PCDHA6: variants seen among roughly 807,000 people sequenced by gnomAD.
PCDHA6 encodes the protein protocadherin alpha-6.
In PCDHA6, 55 loss-of-function variants were observed where a neutral mutation model predicts 60.3. The observed-to-expected ratio is 0.91, with a 90% CI of 0.73 to 1.14. PCDHA6 has a LOEUF of 1.14. PCDHA6 is among the 50% of genes most tolerant of loss of function. PCDHA6 has a pLI of 0.00. For missense variants in PCDHA6, 1,327 were observed against 1,256.5 expected, an observed-to-expected ratio of 1.06 and a Z score of -0.85; for synonymous variants, 652 against 557.9, an observed-to-expected ratio of 1.17 and a Z score of -2.38.
At chr5:140,933,253 A>G (rs958671776) in intron 1 of PCDHA6, among the ~76,000 whole-genome samples, 2 of 152,008 alleles carry the variant, frequency 1.3e-5, no homozygotes, top group Non-Finnish European at 2.9e-5. Context: ...TATAAACACA[A>G]AAGGTTATTA....
intron 1 of PCDHA6, chr5:140,860,578 G>T (rs1420299092): frequency 1.3e-5 from 2 of 152,134 alleles, no homozygotes; most frequent in Non-Finnish European, 2.9e-5. Flanking sequence ...ACACAAGAAG[G>T]TATAGGAAAG....
intron 1 of PCDHA6, chr5:140,876,978 C>T (rs1206745884): frequency 1.2e-5 from 20 of 1,612,518 alleles, no homozygotes; most frequent in African/African-American, 6.7e-5. Flanking sequence ...TGGGCGAGCA[C>T]GCACTGTCGA....
intron 1 of PCDHA6, chr5:140,862,866 GC>G (rs11321479): frequency 0.66 from 374,898 of 571,004 alleles, 123,608 homozygotes; most frequent in Middle Eastern, 0.71. Context: ...ATGTGACGCT[GC>G]CAGGTATTAG....
At chr5:140,843,013 A>C in intron 1 of PCDHA6, 1 of 1,595,130 alleles carries the variant, frequency 6.3e-7, no homozygotes, top group South Asian at 1.1e-5. Context: ...ACGCGCCGGC[A>C]CTGCTGGAGC....
intron 3 of PCDHA6, among the ~76,000 whole-genome samples, chr5:140,993,560 A>G (rs2097572904): frequency 6.6e-6 from 1 of 151,740 alleles, no homozygotes; most frequent in Non-Finnish European, 1.5e-5. Context: ...AGTATATAGT[A>G]TCCTTTCTAG....
chr5:140,937,493 C>T (rs1158473278), intron 1 of PCDHA6, among the ~76,000 whole-genome samples: 3 of 152,020 alleles, frequency 2.0e-5, no homozygotes, highest in Non-Finnish European at 2.9e-5. Flanking sequence ...GGCACATACC[C>T]GTAATCCCAG....
At chr5:140,967,206 G>A in intron 1 of PCDHA6, 2 of 1,613,644 alleles carry the variant, frequency 1.2e-6, no homozygotes, top group South Asian at 2.2e-5. Flanking sequence ...AACTCACCGC[G>A]TTTCCCGCGG....
chr5:140,891,044 CA>C (rs1406159323), intron 1 of PCDHA6, among the ~76,000 whole-genome samples: 9 of 152,030 alleles, frequency 5.9e-5, no homozygotes, highest in African/African-American at 2.2e-4. Flanking sequence ...GTGTGACCCC[CA>C]CAGCACATAG....
chr5:140,829,877 G>C lies in PCDHA6; in HGVS notation c.1786G>C (p.Ala596Pro). Residue 596 changes from alanine (A) to proline (P), a missense_variant, in exon 1 of 4, where the codon GCA becomes CCA. Coordinates refer to ENST00000529310, the MANE Select transcript of PCDHA6 (RefSeq NM_018909.4). ...GAGQVVAKVR[A>P]VDADSGYNAW... ...AGGCCAAGTGGTGGCGAAGGTGCGC[G>C]CAGTTGACGCCGACTCAGGCTACAA... The C allele has an allele frequency of 6.2e-7, 1 of 1,613,956 alleles. No homozygotes were observed. The highest frequency in any genetic ancestry group is 2.2e-5 in the East Asian group (1 of 44,872).
rs2150366293 is a variant in PCDHA6 at position 140,843,763 on chromosome 5, G to A, written c.2394+13278G>A. 5.2e-5 allele frequency: 78 copies of A among 1,492,498 alleles called. 4 individuals are homozygous for A. The Middle Eastern group carries it at 1.8e-3, about 34-fold the overall frequency. The allele number at this position is 1,492,498 out of a possible 1,614,324, so 92.5% of individuals were successfully genotyped here. A position where few individuals can be genotyped will look rare whatever the true frequency, so the allele number is the denominator to read the frequency against. Reference sequence around the variant, plus strand: ...CTCATAAATTCTATTTGTGGAAATTGTAGTTACTTTAAAAGTGTTTCAGAT... The same window carrying A: ...CTCATAAATTCTATTTGTGGAAATTATAGTTACTTTAAAAGTGTTTCAGAT... On this transcript the variant is annotated intron_variant, in intron 1 of 3. Coordinates refer to ENST00000529310, the MANE Select transcript of PCDHA6 (RefSeq NM_018909.4).
At chr5:140,877,127 A>G (rs2056869003) in intron 1 of PCDHA6, 1 of 1,613,602 alleles carries the variant, frequency 6.2e-7, no homozygotes, top group African/African-American at 1.3e-5. Flanking sequence ...GTGACGCTGC[A>G]GGTGTTCGTG....
In PCDHA6 at chr5:140,929,128, A is replaced by G. The variant is rs142487298; in HGVS notation, c.2395-49821A>G. On this transcript the variant is annotated intron_variant, in intron 1 of 3. Transcript: ENST00000529310. Reference sequence around the variant, plus strand: ...GACATCAGCCACCATAGATGTCACTACAGTTGAGAGACTTTCTCAGACTTA... The same window carrying G: ...GACATCAGCCACCATAGATGTCACTGCAGTTGAGAGACTTTCTCAGACTTA... The G allele has an allele frequency of 8.1e-6, 13 of 1,614,054 alleles. No individual in the cohort carries two copies. In the African/African-American group the frequency reaches 1.5e-4, roughly 18 times the overall value.
chr5:140,926,505 TC>T, intron 1 of PCDHA6: 1 of 190,688 alleles, frequency 5.2e-6, no homozygotes. Flanking sequence ...TCGGGGCGTC[TC>T]CCAGGCTCCG....
rs77308266 is a variant in PCDHA6 at position 140,916,313 on chromosome 5, A to C, written c.2395-62636A>C. On this transcript the variant is annotated intron_variant, in intron 1 of 3. Transcript: ENST00000529310. ...GCCAAACTGGTACCAAAGGTGCAAG[A>C]CAAAGTCCCCTTTACTTTTTCCTCT... Among the ~76,000 whole-genome samples the C allele has an allele frequency of 8.0e-3, 1,216 of 152,336 alleles. 6 individuals are homozygous for C. The highest frequency in any genetic ancestry group is 0.019 in the African/African-American group (784 of 41,584).
rs2150502964 is a variant in PCDHA6 at position 140,850,934 on chromosome 5, T to C, written c.2394+20449T>C. On this transcript the variant is annotated intron_variant, in intron 1 of 3. Transcript: ENST00000529310. ...TATTTATTTATATAATTTTTTTTCTTGAAAGATATTATCGATTACTCCCAG... is the reference window on the plus strand; with the variant it reads ...TATTTATTTATATAATTTTTTTTCTCGAAAGATATTATCGATTACTCCCAG... 3.0e-5 allele frequency: 45 copies of C among 1,514,272 alleles called. 2 individuals are homozygous for C. The South Asian group carries it at 5.0e-4, about 17-fold the overall frequency. The allele number at this position is 1,514,272 out of a possible 1,614,324, so 93.8% of individuals were successfully genotyped here.
chr5:140,981,845 T>C (rs184071298), intron 2 of PCDHA6, among the ~76,000 whole-genome samples: 129 of 152,310 alleles, frequency 8.5e-4, no homozygotes, highest in Middle Eastern at 3.4e-3. Flanking sequence ...TCCCAGTTTG[T>C]ATCTCACTCC....
intron 1 of PCDHA6, among the ~76,000 whole-genome samples, chr5:140,887,879 A>G (rs956379948): frequency 1.3e-5 from 2 of 152,154 alleles, no homozygotes; most frequent in South Asian, 4.1e-4. Context: ...TTCCTTTTGT[A>G]GTATCATATC....
At position 140,900,569 on chromosome 5, in the gene PCDHA6, A is replaced by AC. The variant is rs201845192; in HGVS notation, c.2394+70086dup. 8.0e-3 allele frequency among the ~76,000 whole-genome samples: 1,218 copies of AC among 152,298 alleles called. 6 individuals carry two copies. Among genetic ancestry groups the AC allele is most frequent in the African/African-American group, 0.019 (786 of 41,566 alleles). On this transcript the variant is annotated intron_variant, in intron 1 of 3. Coordinates refer to ENST00000529310, the MANE Select transcript of PCDHA6 (RefSeq NM_018909.4). The stretch of plus-strand genomic sequence containing the variant: ...TGGGATTACAGGCGTGAGCCACGGC[A>AC]CCGGCCCATTTTCTTTACCCGTTCA...
intron 1 of PCDHA6, among the ~76,000 whole-genome samples, chr5:140,949,776 A>G (rs1554219139): frequency 6.6e-6 from 1 of 151,716 alleles, no homozygotes; most frequent in Non-Finnish European, 1.5e-5. Flanking sequence ...AATATTTGAT[A>G]TGTTTAGATT....
Sources: gnomAD v4.1 joint callset for allele counts (sites outside exome capture counted in the v4.1 genomes callset) on GRCh38, gnomAD v4.1.1 for gene constraint, MANE v1.5 for transcripts, NCBI Gene and HGNC (gene_info 2026-07-23, HGNC 2026-07-21) for gene names.